Variants in MYOM2 observed in about 807,000 individuals in gnomAD.
The protein encoded by MYOM2 is myomesin 2.
MYOM2 carries 254 observed loss-of-function variants against 187.6 expected under a neutral mutation model. The ratio of observed to expected loss-of-function variants is 1.35; its 90% CI spans 1.22 to 1.50. MYOM2 has a LOEUF of 1.50. Ranked by LOEUF, MYOM2 falls within the 40% of genes most tolerant of loss-of-function variation. The pLI, the probability that MYOM2 is intolerant of heterozygous loss-of-function variation, is 0.00. For synonymous variants in MYOM2, 981 were observed against 753.8 expected (o/e 1.30, Z -4.94); for missense variants, 2,796 against 1,924.0 (o/e 1.45, Z -8.48).
At chr8:2,120,696 A>ATATATATATAT (rs1491564842) in intron 28 of MYOM2, among the ~76,000 whole-genome samples, 2 of 83,996 alleles carry the variant, frequency 2.4e-5, no homozygotes, top group African/African-American at 9.6e-5. Flanking sequence ...ATAAATATAT[A>ATATATATATAT]ATATATATAT....
chr8:2,052,758 C>CTA lies in MYOM2; in HGVS notation c.263+447_263+448dup, dbSNP rs143102574. 1.6e-3 allele frequency among the ~76,000 whole-genome samples: 246 copies of CTA among 152,328 alleles called. 1 individual carries two copies. The East Asian group carries it at 0.026, about 16-fold the overall frequency. On this transcript the variant is annotated intron_variant, in intron 3 of 36. Transcript: ENST00000262113. ...GAATTTCCACTTGCAACCTCTGTAG[C>CTA]TATGCAGGAACAGCCGTGGAGGGGT...
At position 2,050,828 on chromosome 8, in the gene MYOM2, G is replaced by T. The variant is rs771989991; in HGVS notation, c.62G>T (p.Arg21Leu). The T allele has an allele frequency of 6.2e-7, 1 of 1,613,342 alleles. No individual in the cohort carries two copies. Among genetic ancestry groups the T allele is most frequent in the Non-Finnish European group, 8.5e-7 (1 of 1,179,310 alleles). ...CATAGGCACTTCGACCAGTCCTACC[G>T]TAATATTCAAACACGGTACCTGCTG... ...KRHRHFDQSY[R>L]NIQTRYLLDE... Residue 21 changes from arginine (R) to leucine (L), a missense_variant, in exon 2 of 37, where the codon CGT (arginine) becomes CTT (leucine). Coordinates refer to ENST00000262113, the MANE Select transcript of MYOM2 (RefSeq NM_003970.4).
chr8:2,086,370 G>A (rs1393523220), intron 14 of MYOM2, among the ~76,000 whole-genome samples: 578 of 24,756 alleles, frequency 0.023, 49 homozygotes, highest in Non-Finnish European at 0.032. Flanking sequence ...TCCCACTGTT[G>A]TGATCTCTGC....
At chr8:2,112,912 C>A (rs746427659) in intron 25 of MYOM2, among the ~76,000 whole-genome samples, 3 of 152,208 alleles carry the variant, frequency 2.0e-5, no homozygotes, top group Non-Finnish European at 4.4e-5. Flanking sequence ...GGAGTCTTCT[C>A]CCGCTACGCC....
intron 13 of MYOM2, among the ~76,000 whole-genome samples, chr8:2,081,216 G>C (rs1368329493): frequency 2.4e-5 from 2 of 82,504 alleles, no homozygotes; most frequent in African/African-American, 8.5e-5. Flanking sequence ...TGTAGAATGA[G>C]GTGGGTTCTG....
intron 8 of MYOM2, among the ~76,000 whole-genome samples, 159 bp downstream of exon 8, chr8:2,069,656 A>G (rs920416507): frequency 6.6e-6 from 1 of 151,416 alleles, no homozygotes; most frequent in Non-Finnish European, 1.5e-5. Flanking sequence ...ATCTCGGCTC[A>G]CCATAAGCTC....
intron 11 of MYOM2, among the ~76,000 whole-genome samples, chr8:2,077,546 T>G (rs1819473103): frequency 6.6e-6 from 1 of 152,194 alleles, no homozygotes; most frequent in African/African-American, 2.4e-5. Flanking sequence ...AAACTAATAT[T>G]TTGATATGCT....
At chr8:2,108,139 C>T (rs761912359) in intron 23 of MYOM2, among the ~76,000 whole-genome samples, 35 of 152,216 alleles carry the variant, frequency 2.3e-4, no homozygotes, top group Non-Finnish European at 4.4e-4. Flanking sequence ...TCACCATCTT[C>T]TTTCTGATTC....
Position 2,144,793 on chromosome 8 carries a change from A to T in MYOM2, c.4210A>T (p.Thr1404Ser), listed in dbSNP as rs1295603917. Residue 1404 changes from threonine (T) to serine (S), a missense_variant, in exon 37 of 37, where the codon ACC becomes TCC. Coordinates refer to ENST00000262113, the MANE Select transcript of MYOM2 (RefSeq NM_003970.4). Reference protein sequence around the residue: ...KVEQAKYVSMTIKGVTSEDSG... With the variant: ...KVEQAKYVSMSIKGVTSEDSG... Reference sequence around the variant, plus strand: ...GGAGCAGGCCAAGTACGTCAGCATGACCATCAAAGGCGTGACCTCCGAGGA... The same window carrying T: ...GGAGCAGGCCAAGTACGTCAGCATGTCCATCAAAGGCGTGACCTCCGAGGA... The T allele has an allele frequency of 3.7e-6, 6 of 1,614,076 alleles. No individual in the cohort carries two copies. The highest frequency in any genetic ancestry group is 5.1e-6 in the Non-Finnish European group (6 of 1,180,042).
chr8:2,140,629 G>T, intron 32 of MYOM2, 94 bp from the exon 33 acceptor site: 2 of 1,296,654 alleles, frequency 1.5e-6, no homozygotes, highest in Non-Finnish European at 2.1e-6. Flanking sequence ...GCAGCTTAGA[G>T]AAGGCTGTCA....
chr8:2,096,789 T>A (rs1185288964), intron 18 of MYOM2, among the ~76,000 whole-genome samples: 1 of 151,860 alleles, frequency 6.6e-6, no homozygotes, highest in Non-Finnish European at 1.5e-5. Context: ...GAGGGGAGGG[T>A]CACGCTGAAT....
rs117982458 is a variant in MYOM2 at position 2,098,488 on chromosome 8, G to A, written c.2314-369G>A. Among the ~76,000 whole-genome samples, 487 of 152,306 alleles carry A rather than the reference G, an allele frequency of 3.2e-3. 22 individuals are homozygous for A. The East Asian group carries it at 0.081, about 25-fold the overall frequency. On this transcript the variant is annotated intron_variant, in intron 18 of 36. Coordinates refer to ENST00000262113, the MANE Select transcript of MYOM2 (RefSeq NM_003970.4). ...CCGCTCAGGGGACAGTGCGTGGCCT[G>A]AGTGCCTGTTTCCTCGAAGCCTCCG...
Position 2,102,781 on chromosome 8 carries a change from G to C in MYOM2, c.2734G>C (p.Gly912Arg), listed in dbSNP as rs371681455. The C allele has an allele frequency of 6.2e-5, 100 of 1,610,482 alleles. No individual in the cohort carries two copies. The highest frequency in any genetic ancestry group is 8.0e-5 in the Non-Finnish European group (94 of 1,177,086). The change falls in exon 21 of 37, where the codon GGC becomes CGC. Residue 912 changes from glycine (G) to arginine (R), a missense_variant and splice_region_variant. Gly to Arg is a moderately radical substitution (Grantham distance 125, BLOSUM62 -2). Transcript: ENST00000262113. ...GCCTGTGCTGGTAGAGGCGAGACCA[G>C]GTAAGGCTTACAACAAAAACTACAA... ...SEPVLVEARP[G>R]TKEISAGVDE... is the part of the protein sequence containing the mutation.
In MYOM2 at chr8:2,096,227, C is replaced by T. The variant is rs200306396; in HGVS notation, c.2126-20C>T. Reference sequence around the variant, plus strand: ...CCCAGCTGAGGCCCTCGGTAACTCCCTGGTTGTGCTTCCTTGCAGCCGTCC... The same window carrying T: ...CCCAGCTGAGGCCCTCGGTAACTCCTTGGTTGTGCTTCCTTGCAGCCGTCC... On this transcript the variant is annotated intron_variant, in intron 17 of 36. Coordinates refer to ENST00000262113, the MANE Select transcript of MYOM2 (RefSeq NM_003970.4). 1.2e-6 allele frequency: 2 copies of T among 1,607,720 alleles called. No individual in the cohort carries two copies. The highest frequency in any genetic ancestry group is 1.7e-6 in the Non-Finnish European group (2 of 1,175,840).
chr8:2,098,246 A>G (rs1236245998), intron 18 of MYOM2: 1 of 152,218 alleles, frequency 6.6e-6, no homozygotes, highest in Non-Finnish European at 1.5e-5. Context: ...TTTGTGCCAC[A>G]AGCCCGGGGG....
intron 35 of MYOM2, 200 bp from the exon 36 acceptor site, chr8:2,143,201 T>G (rs1400967683): frequency 7.7e-6 from 5 of 649,462 alleles, no homozygotes; most frequent in Non-Finnish European, 1.4e-5. Flanking sequence ...ACAGAGTCTG[T>G]TATCTCCTCA....
chr8:2,119,763 G>A (rs563509187), intron 28 of MYOM2, among the ~76,000 whole-genome samples: 1 of 152,106 alleles, frequency 6.6e-6, no homozygotes, highest in Non-Finnish European at 1.5e-5. Context: ...AGGAAGGGGA[G>A]CACATGGGGA....
At chr8:2,136,644 T>C (rs1162575722) in intron 32 of MYOM2, among the ~76,000 whole-genome samples, 1 of 149,486 alleles carries the variant, frequency 6.7e-6, no homozygotes, top group East Asian at 2.0e-4. Context: ...GGGGCCCTTA[T>C]CTCCACTGCT....
intron 32 of MYOM2, among the ~76,000 whole-genome samples, chr8:2,131,412 C>T (rs1230051882): frequency 6.6e-6 from 1 of 151,886 alleles, no homozygotes; most frequent in Non-Finnish European, 1.5e-5. Context: ...TCAGTGCTCT[C>T]CCGAGAAGCT....
Sources: allele counts gnomAD v4.1 joint callset (sites outside exome capture counted in the v4.1 genomes callset), GRCh38; gene constraint gnomAD v4.1.1; transcripts MANE v1.5; gene names NCBI Gene and HGNC (gene_info 2026-07-23, HGNC 2026-07-21).